Variants in PI4KA observed in about 807,000 individuals in gnomAD.
PI4KA encodes PI4-kinase alpha.
A neutral mutation model predicts 271.4 loss-of-function variants in PI4KA; 122 were observed. The ratio of observed to expected loss-of-function variants is 0.45; its 90% confidence interval spans 0.39 to 0.52. The LOEUF (loss-of-function observed/expected upper bound fraction) is 0.52. PI4KA is among the 20% of genes least tolerant of loss of function. The pLI, the probability that PI4KA is intolerant of heterozygous loss-of-function variation, is 0.00. For missense variants in PI4KA, 1,969 were observed against 2,769.1 expected (o/e 0.71, Z 6.48); for synonymous variants, 1,041 against 1,078.8 (o/e 0.96, Z 0.69).
At chr22:20,791,228 C>T (rs1934627519) in intron 19 of PI4KA, among the ~76,000 whole-genome samples, 1 of 152,212 alleles carries the variant, frequency 6.6e-6, no homozygotes, top group Non-Finnish European at 1.5e-5. Flanking sequence ...TCATCAAGTT[C>T]TGATGGTCAA....
At position 20,840,937 on chromosome 22, in the gene PI4KA, G is replaced by C. The variant is rs369510696; in HGVS notation, c.157-2206C>G. Among the ~76,000 whole-genome samples the C allele has an allele frequency of 9.2e-5, 14 of 152,272 alleles. No homozygotes were observed. The South Asian group carries it at 2.9e-3, about 32-fold the overall frequency. ...CCTGAATAGGGGCTGGGTAAAATGA[G>C]GCTGAGACCTACTGGGCTACATTCC... On this transcript the variant is annotated intron_variant, in intron 1 of 54. Transcript: ENST00000255882.
At chr22:20,784,571 C>T (rs574286166) in intron 19 of PI4KA, among the ~76,000 whole-genome samples, 3 of 152,274 alleles carry the variant, frequency 2.0e-5, no homozygotes, top group South Asian at 2.1e-4. Context: ...ATTACTTCCC[C>T]GGGTCACTTG....
Position 20,794,143 on chromosome 22 carries a change from T to C in PI4KA, c.2278-900A>G, listed in dbSNP as rs371328868. Among the ~76,000 whole-genome samples, 16 of 152,370 alleles carry C rather than the reference T, an allele frequency of 1.1e-4. No individual in the cohort carries two copies. The South Asian group carries it at 2.9e-3, about 28-fold the overall frequency. ...AAAAAGAATGCCAAGCTGTTTTCCC[T>C]GGGCTGGGGGCCACAAGGGTGGCCC... On this transcript the variant is annotated intron_variant, in intron 18 of 54. Coordinates refer to ENST00000255882, the MANE Select transcript of PI4KA (RefSeq NM_058004.4).
chr22:20,751,495 A>T, intron 26 of PI4KA, 119 bp from the exon 27 acceptor site: 1 of 987,776 alleles, frequency 1.0e-6, no homozygotes, highest in Non-Finnish European at 1.6e-6. Context: ...TACTTGATGC[A>T]ACTTATTGCA....
chr22:20,817,580 C>G (rs144076905), intron 7 of PI4KA, among the ~76,000 whole-genome samples: 215 of 150,836 alleles, frequency 1.4e-3, no homozygotes, highest in Non-Finnish European at 2.5e-3. Context: ...ACAAAAAATA[C>G]ACAAGTTAGT....
intron 4 of PI4KA, among the ~76,000 whole-genome samples, 177 bp from the exon 5 acceptor site, chr22:20,820,788 C>A (rs752354493): frequency 6.6e-6 from 1 of 152,188 alleles, no homozygotes; most frequent in Non-Finnish European, 1.5e-5. Context: ...AGGGACAAAA[C>A]CCTCACTCTC....
intron 1 of PI4KA, among the ~76,000 whole-genome samples, chr22:20,853,636 TG>T (rs1360029272): frequency 6.6e-6 from 1 of 152,196 alleles, no homozygotes; most frequent in Non-Finnish European, 1.5e-5. Context: ...GTTCCAATCC[TG>T]GGGGTGGGAC....
At chr22:20,740,936 T>C (rs1037503907) in intron 32 of PI4KA, among the ~76,000 whole-genome samples, 8 of 152,224 alleles carry the variant, frequency 5.3e-5, no homozygotes, top group African/African-American at 1.9e-4. Context: ...CCTGCATTAC[T>C]GGAACTGTTA....
At position 20,786,008 on chromosome 22, in the gene PI4KA, C is replaced by T. The variant is rs776318030; in HGVS notation, c.2328+7185G>A. ...CCCCTTTCCTTTTCTGTCTAGAACT[C>T]GAGAAGTGCTTCTGCCGAAATTCAA... is the stretch of plus-strand genomic sequence containing the variant. On this transcript the variant is annotated intron_variant, in intron 19 of 54. Transcript: ENST00000255882. 5 of 1,613,986 alleles carry T rather than the reference C, an allele frequency of 3.1e-6. No individual in the cohort carries two copies. The highest frequency in any genetic ancestry group is 2.7e-5 in the African/African-American group (2 of 74,888).
At chr22:20,746,187 C>T (rs1930077492) in intron 29 of PI4KA, among the ~76,000 whole-genome samples, 1 of 151,042 alleles carries the variant, frequency 6.6e-6, no homozygotes. Context: ...CTCAGCCTCC[C>T]AAGTAGCTGG....
At chr22:20,714,397 A>C in intron 47 of PI4KA, 61 bp downstream of exon 47, 1 of 1,520,466 alleles carries the variant, frequency 6.6e-7, no homozygotes, top group Non-Finnish European at 8.9e-7. Context: ...ATGCCAGAAG[A>C]AACTGGCATT....
At chr22:20,777,736 T>A (rs968561854) in intron 19 of PI4KA, among the ~76,000 whole-genome samples, 6 of 152,198 alleles carry the variant, frequency 3.9e-5, no homozygotes, top group African/African-American at 1.2e-4. Flanking sequence ...GTCACTGTCC[T>A]GGCAAAACAT....
At chr22:20,835,023 A>T (rs1275101224) in intron 2 of PI4KA, among the ~76,000 whole-genome samples, 3 of 152,220 alleles carry the variant, frequency 2.0e-5, no homozygotes, top group Non-Finnish European at 4.4e-5. Flanking sequence ...CCCAAAACCC[A>T]TCCATGAGCC....
At chr22:20,722,262 C>T (rs1170140539) in intron 42 of PI4KA, among the ~76,000 whole-genome samples, 1 of 152,236 alleles carries the variant, frequency 6.6e-6, no homozygotes, top group Non-Finnish European at 1.5e-5. Flanking sequence ...TCTCAGCTCA[C>T]TGCAACCTCC....
Position 20,818,506 on chromosome 22 carries a change from C to A in PI4KA, c.833G>T (p.Gly278Val). The A allele has an allele frequency of 6.4e-7, 1 of 1,572,944 alleles. No homozygotes were observed. Among genetic ancestry groups the A allele is most frequent in the South Asian group, 1.2e-5 (1 of 83,556 alleles). Residue 278 changes from glycine to valine, a missense_variant, in exon 7 of 55, where the codon GGA becomes GTA. By Grantham distance (109) the Gly-to-Val change is moderately radical. Coordinates refer to ENST00000255882, the MANE Select transcript of PI4KA (RefSeq NM_058004.4). ...ACCTTCAAAGTAGTGAAAGGCAGAT[C>A]CTCCAGGGGAACTGGGAGGGGGCAT... The part of the protein sequence containing the change: ...RGMPPPSSPG[G>V]SAFHYFEASC...
At chr22:20,742,048 C>CATAT in intron 32 of PI4KA, among the ~76,000 whole-genome samples, 180 bp downstream of exon 32, 1 of 152,326 alleles carries the variant, frequency 6.6e-6, no homozygotes, top group African/African-American at 2.4e-5. Context: ...ATGCTGTTAA[C>CATAT]ATATATTCTA....
At chr22:20,796,102 G>T (rs781032506) in intron 18 of PI4KA, 44 bp downstream of exon 18, 18 of 1,571,168 alleles carry the variant, frequency 1.1e-5, no homozygotes, top group Non-Finnish European at 1.5e-5. Context: ...TGGCCAGCAG[G>T]GATAGGACAC....
chr22:20,842,312 T>A (rs1374226623), intron 1 of PI4KA, among the ~76,000 whole-genome samples: 1 of 152,136 alleles, frequency 6.6e-6, no homozygotes, highest in African/African-American at 2.4e-5. Flanking sequence ...AGCCCTGCCA[T>A]CACCTTGATT....
chr22:20,799,629 A>G, intron 15 of PI4KA, 42 bp downstream of exon 15: 1 of 1,405,780 alleles, frequency 7.1e-7, no homozygotes, highest in Non-Finnish European at 9.9e-7. Context: ...GAGCCTGCTG[A>G]GAACAATGGG....
Sources: gnomAD v4.1 joint callset for allele counts (sites outside exome capture counted in the v4.1 genomes callset) on GRCh38, gnomAD v4.1.1 for gene constraint, MANE v1.5 for transcripts, NCBI Gene and HGNC (gene_info 2026-07-23, HGNC 2026-07-21) for gene names.